Variants in FAM20C observed in about 807,000 individuals in gnomAD.
FAM20C encodes the protein extracellular serine/threonine protein kinase FAM20C.
A neutral mutation model predicts 51.5 loss-of-function variants in FAM20C; 40 were observed. That is an observed-to-expected ratio of 0.78 (90% CI 0.60 to 1.01). FAM20C has a LOEUF of 1.01. FAM20C is among the 50% of genes least tolerant of loss of function. FAM20C has a pLI of 0.00. For missense variants in FAM20C, 861 were observed against 844.7 expected (o/e 1.02, Z -0.24); for synonymous variants, 406 against 380.6 (o/e 1.07, Z -0.78).
chr7:201,629 A>C (rs999997265), intron 2 of FAM20C, among the ~76,000 whole-genome samples: 5 of 152,220 alleles, frequency 3.3e-5, no homozygotes, highest in African/African-American at 1.2e-4. Context: ...GGCTTGCCTA[A>C]GGCCACACCG....
At chr7:242,140 C>T (rs1038567769) in intron 3 of FAM20C, among the ~76,000 whole-genome samples, 1 of 152,132 alleles carries the variant, frequency 6.6e-6, no homozygotes, top group African/African-American at 2.4e-5. Flanking sequence ...ACTGAGACGT[C>T]CACATCACCA....
At chr7:198,995 G>T (rs1170236845) in intron 2 of FAM20C, among the ~76,000 whole-genome samples, 1 of 152,224 alleles carries the variant, frequency 6.6e-6, no homozygotes, top group Non-Finnish European at 1.5e-5. Context: ...GGAAGCAGGG[G>T]ACCCTCACCT....
At chr7:252,695 G>A in intron 5 of FAM20C, among the ~76,000 whole-genome samples, 1 of 152,202 alleles carries the variant, frequency 6.6e-6, no homozygotes, top group Non-Finnish European at 1.5e-5. Context: ...GTGGGCTCTG[G>A]GAGGGAGAAG....
chr7:236,233 C>T (rs1787845169), intron 3 of FAM20C, among the ~76,000 whole-genome samples: 2 of 118,600 alleles, frequency 1.7e-5, no homozygotes, highest in South Asian at 2.4e-4. Flanking sequence ...CCGAGCGGCT[C>T]CTGGCCGAGG....
chr7:252,665 A>G (rs1411050863), intron 5 of FAM20C, among the ~76,000 whole-genome samples: 1 of 152,318 alleles, frequency 6.6e-6, no homozygotes, highest in African/African-American at 2.4e-5. Context: ...AGAGGTGGCC[A>G]AGGCCAGTGC....
chr7:203,475 C>T lies in FAM20C; in HGVS notation c.785-5423C>T, dbSNP rs548549288. ...ACCCGATCAGTGACAGGAGGGTGGG[C>T]GTCTGTACCTCCCACCCATCCCGAT... On this transcript the variant is annotated intron_variant, in intron 2 of 9. Coordinates refer to ENST00000313766, the MANE Select transcript of FAM20C (RefSeq NM_020223.4). 3.9e-5 allele frequency among the ~76,000 whole-genome samples: 6 copies of T among 152,322 alleles called. No homozygotes were observed. The South Asian group carries it at 1.2e-3, about 32-fold the overall frequency.
intron 1 of FAM20C, among the ~76,000 whole-genome samples, chr7:194,908 C>G (rs1200467847): frequency 6.6e-6 from 1 of 152,232 alleles, no homozygotes; most frequent in Non-Finnish European, 1.5e-5. Flanking sequence ...TGTCCCTCCT[C>G]CAGAACGGTC....
intron 3 of FAM20C, chr7:228,467 TG>T (rs1158317170): frequency 1.3e-5 from 6 of 455,864 alleles, no homozygotes; most frequent in Non-Finnish European, 2.2e-5. Context: ...CGGCTCAGTG[TG>T]GGGTCAACAA....
At chr7:193,870 G>A (rs1461196805) in intron 1 of FAM20C, 66 bp downstream of exon 1, 1 of 1,493,206 alleles carries the variant, frequency 6.7e-7, no homozygotes, top group Non-Finnish European at 9.0e-7. Flanking sequence ...GTGTAGAGAG[G>A]TTCAGGGGCC....
intron 3 of FAM20C, among the ~76,000 whole-genome samples, chr7:240,767 CCGA>C (rs1310285968): frequency 1.3e-5 from 2 of 152,110 alleles, no homozygotes; most frequent in African/African-American, 4.8e-5. Flanking sequence ...AACAATGCCA[CCGA>C]TTGTGGCCCG....
intron 5 of FAM20C, among the ~76,000 whole-genome samples, chr7:249,772 G>T (rs568496926): frequency 1.3e-5 from 2 of 152,324 alleles, no homozygotes; most frequent in South Asian, 4.1e-4. Flanking sequence ...ACTGGCATTT[G>T]TGGCTCTGCC....
intron 3 of FAM20C, among the ~76,000 whole-genome samples, chr7:244,070 G>A (rs1169306689): frequency 1.3e-5 from 2 of 151,906 alleles, no homozygotes; most frequent in Admixed American, 1.3e-4. Flanking sequence ...GCGTAGCTGG[G>A]ATCACAGGTG....
At chr7:222,733 G>A (rs903555833) in intron 3 of FAM20C, among the ~76,000 whole-genome samples, 3 of 152,208 alleles carry the variant, frequency 2.0e-5, no homozygotes, top group Non-Finnish European at 4.4e-5. Context: ...GTGCTGCTTG[G>A]TGCTGGGGGT....
At chr7:209,165 C>T (rs913997957) in intron 3 of FAM20C, among the ~76,000 whole-genome samples, 189 bp downstream of exon 3, 4 of 152,184 alleles carry the variant, frequency 2.6e-5, no homozygotes, top group Non-Finnish European at 5.9e-5. Flanking sequence ...TCCTCTCCCA[C>T]GGCCTCCCCA....
chr7:255,955 C>G lies in FAM20C; in HGVS notation c.1179C>G (p.Pro393=), dbSNP rs527427394. 3.3e-6 allele frequency: 5 copies of G among 1,536,230 alleles called. No homozygotes were observed. Among genetic ancestry groups the G allele is most frequent in the East Asian group, 2.4e-5 (1 of 40,900 alleles). The change falls in exon 6 of 10, where the codon CCC becomes CCG. Residue 393 remains proline, a synonymous_variant. Coordinates refer to ENST00000313766, the MANE Select transcript of FAM20C (RefSeq NM_020223.4). Reference sequence around the variant, plus strand: ...AGGGCTCGCTGGCGGCCTTCCTGCCCGACCTGTCCCTGGCCAAGAGGAAGA... The same window carrying G: ...AGGGCTCGCTGGCGGCCTTCCTGCCGGACCTGTCCCTGGCCAAGAGGAAGA... ...QIEGSLAAFL[P]DLSLAKRKTW...
At chr7:206,853 G>C (rs112278115) in intron 2 of FAM20C, among the ~76,000 whole-genome samples, 133 of 17,124 alleles carry the variant, frequency 7.8e-3, no homozygotes, top group Non-Finnish European at 1.0e-2. Flanking sequence ...TCCACTGTGA[G>C]GCGTCGGTCA....
chr7:194,006 G>A, intron 1 of FAM20C: 3 of 835,282 alleles, frequency 3.6e-6, no homozygotes, highest in East Asian at 3.2e-5. Context: ...CTGCCGGCTG[G>A]TCCGGGAGCT....
intron 3 of FAM20C, among the ~76,000 whole-genome samples, chr7:235,340 G>C (rs959090004): frequency 1.2e-4 from 19 of 152,132 alleles, no homozygotes; most frequent in African/African-American, 4.6e-4. Flanking sequence ...CTGCCGATCT[G>C]TGAGCTCAAC....
At chr7:250,391 C>A (rs147023320) in intron 5 of FAM20C, among the ~76,000 whole-genome samples, 18 of 152,020 alleles carry the variant, frequency 1.2e-4, no homozygotes, top group Admixed American at 2.6e-4. Flanking sequence ...GGGCTCCCTT[C>A]CCTGGCCCAC....
Sources: gnomAD v4.1 joint callset for allele counts (sites outside exome capture counted in the v4.1 genomes callset) on GRCh38, gnomAD v4.1.1 for gene constraint, MANE v1.5 for transcripts, NCBI Gene and HGNC (gene_info 2026-07-23, HGNC 2026-07-21) for gene names.